The following CTBP2 variants were observed in gnomAD, a reference collection of about 807,000 sequenced individuals.
CTBP2 encodes C-terminal binding protein 2.
Under a neutral mutation model 80.3 loss-of-function variants are expected in CTBP2, and 30 were observed. The ratio of observed to expected loss-of-function variants is 0.37; its 90% confidence interval spans 0.28 to 0.51. The LOEUF is 0.51. Ranked by LOEUF, CTBP2 falls within the 20% of genes least tolerant of loss-of-function variation. CTBP2 has a pLI of 0.93. For missense variants in CTBP2, 1,212 were observed against 1,375.3 expected (o/e 0.88, Z 1.88); for synonymous variants, 594 against 587.4 (o/e 1.01, Z -0.16).
At chr10:125,150,503 G>A (rs954493731) in intron 1 of CTBP2, among the ~76,000 whole-genome samples, 13 of 152,082 alleles carry the variant, frequency 8.5e-5, no homozygotes, top group African/African-American at 2.4e-4. Context: ...AGACATTCCC[G>A]TGTCCCAGTC....
At chr10:125,016,518 T>C (rs72830831) in intron 1 of CTBP2, among the ~76,000 whole-genome samples, 12,404 of 152,332 alleles carry the variant, frequency 0.081, 601 homozygotes, top group Admixed American at 0.12. Flanking sequence ...CCAGGGTGAA[T>C]GTCCACAAAA....
In CTBP2 at chr10:124,985,118, T is replaced by C; in HGVS notation, c.*4400A>G. 1.4e-6 allele frequency: 1 copy of C among 729,930 alleles called. No homozygotes were observed. Among genetic ancestry groups the C allele is most frequent in the Admixed American group, 2.5e-5 (1 of 39,526 alleles). 45.2% of individuals were successfully genotyped at this position (729,930 alleles called of 1,614,324 possible). A position where few individuals can be genotyped will look rare whatever the true frequency, so the allele number is the denominator to read the frequency against. On this transcript the variant is annotated 3_prime_UTR_variant, in exon 9 of 9. Transcript: ENST00000309035. ...ATCTGGCAGGATCTGCTCGGGGAAG[T>C]GTTTTCCTGGACCACACACACCTTA...
At chr10:125,095,480 A>C (rs1267774570) in intron 2 of CTBP2, among the ~76,000 whole-genome samples, 1 of 152,180 alleles carries the variant, frequency 6.6e-6, no homozygotes, top group Non-Finnish European at 1.5e-5. Context: ...AAAAGGGACG[A>C]AATGAACCTG....
intron 2 of CTBP2, among the ~76,000 whole-genome samples, chr10:125,054,947 AC>A (rs1456743626): frequency 6.6e-6 from 1 of 152,130 alleles, no homozygotes; most frequent in Admixed American, 6.5e-5. Flanking sequence ...ATGTTCACTT[AC>A]CCCAGATGCT....
At chr10:125,107,182 C>T (rs939155780) in intron 2 of CTBP2, among the ~76,000 whole-genome samples, 5 of 152,230 alleles carry the variant, frequency 3.3e-5, no homozygotes, top group African/African-American at 4.8e-5. Context: ...GCTAAAGCTT[C>T]GCTGGCATCT....
intron 1 of CTBP2, among the ~76,000 whole-genome samples, chr10:125,118,183 G>A (rs1014314747): frequency 1.3e-5 from 2 of 151,368 alleles, no homozygotes; most frequent in African/African-American, 4.9e-5. Flanking sequence ...CAATTAATGT[G>A]ACCATTCCCC....
chr10:125,005,987 C>A, intron 1 of CTBP2: 1 of 1,447,964 alleles, frequency 6.9e-7, no homozygotes, highest in Non-Finnish European at 9.0e-7. Context: ...GCTGATGCGT[C>A]TGGGGAGCCT....
At chr10:125,031,565 AAAGTAGCC>A (rs1224956427), upstream of CTBP2, among the ~76,000 whole-genome samples, 1 of 143,936 alleles carries the variant, frequency 6.9e-6, no homozygotes, top group Admixed American at 7.0e-5. Context: ...TCCTCAACCC[AAAGTAGCC>A]AAGTTGGCTA....
intron 2 of CTBP2, among the ~76,000 whole-genome samples, chr10:125,053,077 T>G (rs1963144067): frequency 6.7e-6 from 1 of 149,744 alleles, no homozygotes; most frequent in African/African-American, 2.5e-5. Context: ...ACAAAAGGCT[T>G]ATTCGAAGAG....
In CTBP2 at chr10:125,070,470, T is replaced by C. The variant is rs116461243; in HGVS notation, c.-101-31315A>G. Among the ~76,000 whole-genome samples the C allele has an allele frequency of 9.3e-3, 1,417 of 151,988 alleles. 24 individuals are homozygous for C. Among genetic ancestry groups the C allele is most frequent in the African/African-American group, 0.032 (1,338 of 41,448 alleles). ...GCTTTGGGAGGCTGAGCCGGCAGGA[T>C]AGCTTGAGTCCAGAAACTACAGACT... On this transcript the variant is annotated intron_variant, in intron 2 of 10. Transcript: ENST00000337195.
upstream of CTBP2, among the ~76,000 whole-genome samples, chr10:125,161,457 A>G (rs1302888670): frequency 6.6e-6 from 1 of 151,692 alleles, no homozygotes; most frequent in Non-Finnish European, 1.5e-5. Flanking sequence ...CCGCCCAGCC[A>G]GCGGCGCCAA....
At chr10:125,093,822 C>T (rs952052250) in intron 2 of CTBP2, among the ~76,000 whole-genome samples, 15 of 152,184 alleles carry the variant, frequency 9.9e-5, no homozygotes, top group African/African-American at 3.6e-4. Context: ...AACCCTCCCA[C>T]GGCCTCGCTG....
intron 2 of CTBP2, among the ~76,000 whole-genome samples, chr10:125,088,849 G>T (rs1201849131): frequency 6.6e-6 from 1 of 152,192 alleles, no homozygotes; most frequent in Non-Finnish European, 1.5e-5. Flanking sequence ...AGACCTAGTT[G>T]GGAGATGAAT....
At chr10:125,092,277 G>A (rs1003720903) in intron 2 of CTBP2, among the ~76,000 whole-genome samples, 2 of 142,908 alleles carry the variant, frequency 1.4e-5, no homozygotes, top group Non-Finnish European at 3.0e-5. Context: ...TGCAACCTCT[G>A]CCTTCTGGGG....
chr10:125,135,961 C>A (rs1439197345), intron 1 of CTBP2, among the ~76,000 whole-genome samples: 1 of 152,238 alleles, frequency 6.6e-6, no homozygotes, highest in Non-Finnish European at 1.5e-5. Context: ...CCTTCCGGCC[C>A]ACGAGCAGAA....
chr10:125,040,770 T>G (rs143716264), intron 2 of CTBP2, among the ~76,000 whole-genome samples: 1 of 152,344 alleles, frequency 6.6e-6, no homozygotes, highest in Non-Finnish European at 1.5e-5. Flanking sequence ...AAGGTCAGAC[T>G]GCAGGTCTAC....
chr10:125,026,777 T>C lies in CTBP2; in HGVS notation c.983A>G (p.Asp328Gly). Residue 328 changes from aspartate to glycine, a missense_variant, in exon 1 of 9, where the codon GAT becomes GGT. By Grantham distance (94) the Asp-to-Gly change is moderately conservative. Transcript: ENST00000309035. ...CAGGTTGGGTGCGACAGACTTGATA[T>C]CCGCGTCCTCCAGGGTAGCCAGGAC... 2 of 1,613,068 alleles carry C rather than the reference T, an allele frequency of 1.2e-6. No individual in the cohort carries two copies. Among genetic ancestry groups the C allele is most frequent in the South Asian group, 2.2e-5 (2 of 91,088 alleles).
chr10:124,997,268 G>T (rs1372033595), intron 4 of CTBP2: 3 of 152,446 alleles, frequency 2.0e-5, no homozygotes, highest in African/African-American at 7.2e-5. Context: ...CACAGAGCTG[G>T]TAAGCGGTGG....
intron 3 of CTBP2, among the ~76,000 whole-genome samples, chr10:125,002,383 C>A (rs1409938749): frequency 6.6e-6 from 1 of 152,240 alleles, no homozygotes; most frequent in Admixed American, 6.5e-5. Context: ...AGCTTTGAAG[C>A]CCCCAACTCT....
Sources: gnomAD v4.1 joint callset for allele counts (sites outside exome capture counted in the v4.1 genomes callset) on GRCh38, gnomAD v4.1.1 for gene constraint, MANE v1.5 for transcripts, NCBI Gene and HGNC (gene_info 2026-07-23, HGNC 2026-07-21) for gene names.